The following SPOCK1 variants were observed in gnomAD, a reference collection of about 807,000 sequenced individuals.
The protein encoded by SPOCK1 is SPARC (osteonectin), cwcv and kazal like domains proteoglycan 1.
A neutral mutation model predicts 55.3 loss-of-function variants in SPOCK1; 23 were observed. The observed-to-expected ratio is 0.42, with a 90% CI of 0.30 to 0.59. SPOCK1 has a LOEUF of 0.59. SPOCK1 is among the 20% of genes least tolerant of loss of function. SPOCK1 has a pLI of 0.22. For missense variants in SPOCK1, 499 were observed against 552.5 expected (o/e 0.90, Z 0.97); for synonymous variants, 226 against 221.0 (o/e 1.02, Z -0.20).
chr5:137,029,785 A>C (rs1200329966), intron 6 of SPOCK1, among the ~76,000 whole-genome samples: 1 of 152,222 alleles, frequency 6.6e-6, no homozygotes, highest in Admixed American at 6.5e-5. Context: ...GTTTAAGGCC[A>C]AGAGTTCATG....
chr5:136,979,325 TACTC>T lies in SPOCK1; in HGVS notation c.1129+3_1129+6del. Reference sequence around the variant, plus strand: ...ATTGTGGGGCTCATGCAGGAGGCCTTACTCACCACAGCTCACAGCACCCTGTTTC... The same window carrying T: ...ATTGTGGGGCTCATGCAGGAGGCCTTACCACAGCTCACAGCACCCTGTTTC... On this transcript the variant is annotated splice_donor_5th_base_variant and intron_variant, in intron 10 of 10. Coordinates refer to ENST00000394945, the MANE Select transcript of SPOCK1 (RefSeq NM_004598.4). 5 of 1,613,962 alleles carry T rather than the reference TACTC, an allele frequency of 3.1e-6. No individual in the cohort carries two copies. The highest frequency in any genetic ancestry group is 4.2e-6 in the Non-Finnish European group (5 of 1,179,922).
chr5:137,239,011 C>A (rs561447305), intron 3 of SPOCK1, among the ~76,000 whole-genome samples: 3 of 152,124 alleles, frequency 2.0e-5, no homozygotes, highest in Admixed American at 1.3e-4. Context: ...CCTTTTAACC[C>A]CATATGAGTT....
intron 4 of SPOCK1, among the ~76,000 whole-genome samples, chr5:137,119,193 G>A (rs955686638): frequency 2.0e-5 from 3 of 152,132 alleles, no homozygotes; most frequent in South Asian, 2.1e-4. Flanking sequence ...TTTGTTTCCT[G>A]GCACAGAAGG....
intron 3 of SPOCK1, among the ~76,000 whole-genome samples, chr5:137,176,478 CT>C: frequency 6.7e-6 from 1 of 150,176 alleles, no homozygotes; most frequent in East Asian, 2.0e-4. Flanking sequence ...GCTTCTAATG[CT>C]TACAAAAATC....
chr5:137,244,092 T>G (rs755455078), intron 3 of SPOCK1, among the ~76,000 whole-genome samples: 1 of 152,158 alleles, frequency 6.6e-6, no homozygotes, highest in Non-Finnish European at 1.5e-5. Context: ...CTAATAAAAA[T>G]TCAGTGAGTA....
At chr5:137,026,785 C>A (rs1751684370) in intron 6 of SPOCK1, among the ~76,000 whole-genome samples, 1 of 152,152 alleles carries the variant, frequency 6.6e-6, no homozygotes, top group Non-Finnish European at 1.5e-5. Context: ...GGCCAAGGAC[C>A]TCCACAACAT....
chr5:137,396,675 A>G (rs1225532907), intron 2 of SPOCK1, among the ~76,000 whole-genome samples: 1 of 152,254 alleles, frequency 6.6e-6, no homozygotes, highest in Non-Finnish European at 1.5e-5. Flanking sequence ...GAAGCCATTT[A>G]TGCACTGTCT....
Position 137,029,220 on chromosome 5 carries a change from T to C in SPOCK1, c.590-36620A>G, listed in dbSNP as rs112360890. Among the ~76,000 whole-genome samples, 1,360 of 152,318 alleles carry C rather than the reference T, an allele frequency of 8.9e-3. 24 individuals carry two copies. The highest frequency in any genetic ancestry group is 0.031 in the African/African-American group (1,289 of 41,562). ...ATAGAACAGTCTTTTGAGAACTTGC[T>C]TCATGTGACCTCATCCCTGAGAGAC... On this transcript the variant is annotated intron_variant, in intron 6 of 10. Transcript: ENST00000394945.
intron 2 of SPOCK1, among the ~76,000 whole-genome samples, chr5:137,423,588 C>G (rs188298557): frequency 6.6e-6 from 1 of 152,180 alleles, no homozygotes; most frequent in Non-Finnish European, 1.5e-5. Context: ...GAGCCAGGCG[C>G]GGGATATAAT....
chr5:137,347,514 G>A (rs10052072), intron 2 of SPOCK1, among the ~76,000 whole-genome samples: 4,287 of 152,228 alleles, frequency 0.028, 184 homozygotes, highest in African/African-American at 0.097. Context: ...GAGGTCAGGA[G>A]TTCAAGACCA....
rs147328315 is a variant in SPOCK1 at position 137,203,068 on chromosome 5, C to A, written c.233-62374G>T. On this transcript the variant is annotated intron_variant, in intron 3 of 10. Transcript: ENST00000394945. The stretch of plus-strand genomic sequence containing the variant: ...ACAAATGATGATAGTTCAGCTTTTT[C>A]AAGCCATTTTGTGCTTAATGAGTAC... 7.4e-3 allele frequency among the ~76,000 whole-genome samples: 1,125 copies of A among 152,286 alleles called. 16 individuals carry two copies. The highest frequency in any genetic ancestry group is 0.025 in the African/African-American group (1,048 of 41,556).
intron 2 of SPOCK1, among the ~76,000 whole-genome samples, chr5:137,426,637 A>C (rs1404297472): frequency 6.6e-6 from 1 of 152,194 alleles, no homozygotes; most frequent in Non-Finnish European, 1.5e-5. Flanking sequence ...GAGTTTCCTC[A>C]AACATCATAT....
chr5:137,329,964 C>T (rs1758140657), intron 2 of SPOCK1, among the ~76,000 whole-genome samples: 1 of 152,144 alleles, frequency 6.6e-6, no homozygotes, highest in African/African-American at 2.4e-5. Context: ...AAACTAGGCT[C>T]AGTGGGAATT....
At chr5:137,354,351 C>G (rs1750744867) in intron 2 of SPOCK1, among the ~76,000 whole-genome samples, 1 of 152,148 alleles carries the variant, frequency 6.6e-6, no homozygotes, top group Admixed American at 6.5e-5. Context: ...TCACCCCACT[C>G]CTCAAGAACA....
chr5:137,255,763 G>A lies in SPOCK1; in HGVS notation c.232+11247C>T, dbSNP rs553718129. 3.2e-4 allele frequency among the ~76,000 whole-genome samples: 49 copies of A among 152,336 alleles called. 1 individual carries two copies. In the South Asian group the frequency reaches 9.7e-3, roughly 30 times the overall value. On this transcript the variant is annotated intron_variant, in intron 3 of 10. Transcript: ENST00000394945. ...AGAGCAGAGTTCAGGGCAAGGGCCT[G>A]AGAGTGACACAACCCTGGGCAAATT...
chr5:137,346,808 C>A (rs551314450), intron 2 of SPOCK1, among the ~76,000 whole-genome samples: 1 of 152,146 alleles, frequency 6.6e-6, no homozygotes, highest in East Asian at 1.9e-4. Context: ...ACGTGCAATA[C>A]GTGAGCCCTG....
rs535980600 is a variant in SPOCK1 at position 137,040,466 on chromosome 5, G to GA, written c.589+27248dup. Among the ~76,000 whole-genome samples, 343 of 152,292 alleles carry GA rather than the reference G, an allele frequency of 2.3e-3. 1 individual carries two copies. The highest frequency in any genetic ancestry group is 3.4e-3 in the Middle Eastern group (1 of 294). Reference sequence around the variant, plus strand: ...ATCTGGGAGCAAGGGAAGACAGGTGGAAAAACACTGTAAATACAGGCCCAC... The same window carrying GA: ...ATCTGGGAGCAAGGGAAGACAGGTGGAAAAAACACTGTAAATACAGGCCCAC... On this transcript the variant is annotated intron_variant, in intron 6 of 10. Transcript: ENST00000394945.
intron 6 of SPOCK1, among the ~76,000 whole-genome samples, chr5:137,064,419 C>A (rs1178207658): frequency 6.6e-6 from 1 of 152,082 alleles, no homozygotes; most frequent in African/African-American, 2.4e-5. Flanking sequence ...TTTTTACAGA[C>A]CTGCATTTAT....
chr5:137,113,861 T>C (rs1753522167), intron 4 of SPOCK1, among the ~76,000 whole-genome samples: 1 of 152,176 alleles, frequency 6.6e-6, no homozygotes, highest in Non-Finnish European at 1.5e-5. Flanking sequence ...GGAAATATTT[T>C]CTACCAGGTG....
Sources: allele counts gnomAD v4.1 joint callset (sites outside exome capture counted in the v4.1 genomes callset), GRCh38; gene constraint gnomAD v4.1.1; transcripts MANE v1.5; gene names NCBI Gene and HGNC (gene_info 2026-07-23, HGNC 2026-07-21).